RTN4RL1: variants seen among roughly 807,000 people sequenced by gnomAD.
The protein encoded by RTN4RL1 is reticulon-4 receptor-like 1.
RTN4RL1 carries 7 observed loss-of-function variants against 25.6 expected under a neutral mutation model. That is an observed-to-expected ratio of 0.27 (90% confidence interval 0.16 to 0.51). The LOEUF (loss-of-function observed/expected upper bound fraction) is 0.51. Ranked by LOEUF, RTN4RL1 falls within the 20% of genes least tolerant of loss-of-function variation. The probability of loss-of-function intolerance (pLI) is 0.97; values close to 1 mark genes in which losing one functional copy is unlikely to be tolerated. For synonymous variants in RTN4RL1, 297 were observed against 288.2 expected (o/e 1.03, Z -0.31); for missense variants, 500 against 615.6 (o/e 0.81, Z 1.99).
chr17:2,017,207 G>A (rs2067135677), intron 1 of RTN4RL1, among the ~76,000 whole-genome samples: 1 of 152,226 alleles, frequency 6.6e-6, no homozygotes, highest in Admixed American at 6.5e-5. Context: ...TGATTTTGGA[G>A]GCAGAAGCAA....
At chr17:1,976,809 G>A (rs963873017) in intron 1 of RTN4RL1, among the ~76,000 whole-genome samples, 9 of 152,186 alleles carry the variant, frequency 5.9e-5, no homozygotes, top group African/African-American at 1.9e-4. Context: ...TCTTTGGGTG[G>A]AACTCGGCTG....
Position 2,024,848 on chromosome 17 carries a change from C to T in RTN4RL1, c.13+5G>A. On this transcript the variant is annotated splice_donor_5th_base_variant and intron_variant, in intron 1 of 1. Coordinates refer to ENST00000331238, the MANE Select transcript of RTN4RL1 (RefSeq NM_178568.4). Reference sequence around the variant, plus strand: ...CTTCAACTTGCCCCTGCGGCTCCAACTCACCTTTGCGAAGCATGTTGGCCA... The same window carrying T: ...CTTCAACTTGCCCCTGCGGCTCCAATTCACCTTTGCGAAGCATGTTGGCCA... 6.3e-7 allele frequency: 1 copy of T among 1,581,862 alleles called. No individual in the cohort carries two copies. The highest frequency in any genetic ancestry group is 8.6e-7 in the Non-Finnish European group (1 of 1,165,046).
chr17:1,997,380 G>A (rs566874998), intron 1 of RTN4RL1, among the ~76,000 whole-genome samples: 2 of 152,110 alleles, frequency 1.3e-5, no homozygotes, highest in African/African-American at 2.4e-5. Flanking sequence ...CTCCTCTCCC[G>A]GCCAAGTACA....
chr17:2,001,353 C>T (rs1413657731), intron 1 of RTN4RL1: 1 of 152,290 alleles, frequency 6.6e-6, no homozygotes, highest in East Asian at 1.9e-4. Context: ...ACACCATTCT[C>T]CTGCCTCAGC....
At chr17:1,979,885 C>A (rs569403671) in intron 1 of RTN4RL1, among the ~76,000 whole-genome samples, 82 of 152,224 alleles carry the variant, frequency 5.4e-4, no homozygotes, top group African/African-American at 1.9e-3. Flanking sequence ...CCCGGAATTG[C>A]GTGGAGAAGG....
Position 2,024,961 on chromosome 17 carries a change from G to T in RTN4RL1, c.-96C>A. ...TGGGCGCCAGCTGCAGCTAATCCGA[G>T]CGCGTCGAGGCGGGGGCAAGCCGGG... On this transcript the variant is annotated 5_prime_UTR_variant, in exon 1 of 2. Coordinates refer to ENST00000331238, the MANE Select transcript of RTN4RL1 (RefSeq NM_178568.4). 1.5e-6 allele frequency: 2 copies of T among 1,337,328 alleles called. No homozygotes were observed. The highest frequency in any genetic ancestry group is 1.0e-6 in the Non-Finnish European group (1 of 973,424). 82.8% of individuals were successfully genotyped at this position (1,337,328 alleles called of 1,614,324 possible). A position where few individuals can be genotyped will look rare whatever the true frequency, so the allele number is the denominator to read the frequency against.
At chr17:2,006,382 G>A (rs772376347) in intron 1 of RTN4RL1, among the ~76,000 whole-genome samples, 38 of 151,622 alleles carry the variant, frequency 2.5e-4, no homozygotes, top group Non-Finnish European at 5.0e-4. Flanking sequence ...GCTGGTCTCC[G>A]ACTCCTGACC....
chr17:2,007,965 AAAC>A (rs2067012306), intron 1 of RTN4RL1, among the ~76,000 whole-genome samples: 1 of 147,252 alleles, frequency 6.8e-6, no homozygotes, highest in Non-Finnish European at 1.5e-5. Context: ...CCAAAAAAAT[AAAC>A]AACAACAAAA....
At chr17:2,021,353 C>G (rs550312479) in intron 1 of RTN4RL1, among the ~76,000 whole-genome samples, 5 of 152,124 alleles carry the variant, frequency 3.3e-5, no homozygotes, top group Admixed American at 6.6e-5. Flanking sequence ...ATGAGCCCTG[C>G]CCTTTGCAGA....
intron 1 of RTN4RL1, among the ~76,000 whole-genome samples, chr17:2,015,351 G>A (rs919158681): frequency 6.6e-6 from 1 of 152,332 alleles, no homozygotes; most frequent in East Asian, 1.9e-4. Flanking sequence ...GGGCACTGGG[G>A]GTCGGTGGGC....
At chr17:1,982,258 G>GCCA (rs1555519448) in intron 1 of RTN4RL1, among the ~76,000 whole-genome samples, 1 of 151,982 alleles carries the variant, frequency 6.6e-6, no homozygotes, top group African/African-American at 2.4e-5. Flanking sequence ...CTGAGATCAC[G>GCCA]CCACTCCACT....
At chr17:1,942,716 G>A (rs1915464611) in intron 1 of RTN4RL1, among the ~76,000 whole-genome samples, 1 of 152,108 alleles carries the variant, frequency 6.6e-6, no homozygotes, top group South Asian at 2.1e-4. Flanking sequence ...CAGGGAGCAT[G>A]GGGGCAGCTC....
In RTN4RL1 at chr17:1,937,428, G is replaced by A; in HGVS notation, c.394C>T (p.Leu132Phe). ...QGLVKLHALY[L>F]YKCGLSALPA... ...AAGGCGCTGAGCCCACACTTGTAGA[G>A]GTAGAGGGCGTGAAGCTTCACCAGG... is the stretch of plus-strand genomic sequence containing the variant. The change falls in exon 2 of 2, where the codon CTC (leucine) becomes TTC (phenylalanine). Residue 132 changes from leucine (L) to phenylalanine (F), a missense_variant. Physicochemically the swap from Leu to Phe is conservative, Grantham distance 22 (BLOSUM62 0). This residue lies in a region of RTN4RL1 where 232 missense variants were observed against 341.1 expected (regional missense o/e 0.68). Transcript: ENST00000331238. The A allele has an allele frequency of 6.2e-7, 1 of 1,613,928 alleles. No homozygotes were observed. Among genetic ancestry groups the A allele is most frequent in the Middle Eastern group, 1.6e-4 (1 of 6,062 alleles).
At chr17:1,996,844 C>T (rs2151320786) in intron 1 of RTN4RL1, among the ~76,000 whole-genome samples, 1 of 152,322 alleles carries the variant, frequency 6.6e-6, no homozygotes, top group South Asian at 2.1e-4. Context: ...GGACGGGGGC[C>T]ACCCCAGCCT....
chr17:1,960,687 C>T (rs1915878147), intron 1 of RTN4RL1, among the ~76,000 whole-genome samples: 1 of 152,138 alleles, frequency 6.6e-6, no homozygotes, highest in Non-Finnish European at 1.5e-5. Context: ...GAAACTCCAT[C>T]CCCCTTAGCA....
chr17:2,001,346 C>A (rs2066956466), intron 1 of RTN4RL1: 1 of 152,082 alleles, frequency 6.6e-6, no homozygotes, highest in African/African-American at 2.4e-5. Context: ...CGGGTTCACA[C>A]CATTCTCCTG....
At chr17:1,962,507 C>T (rs979146222) in intron 1 of RTN4RL1, among the ~76,000 whole-genome samples, 4 of 151,734 alleles carry the variant, frequency 2.6e-5, no homozygotes, top group Admixed American at 2.0e-4. Context: ...TACAGGTGCT[C>T]GCCATCACGC....
chr17:2,013,801 C>T (rs1597249495), intron 1 of RTN4RL1, among the ~76,000 whole-genome samples: 1 of 146,726 alleles, frequency 6.8e-6, no homozygotes, highest in Non-Finnish European at 1.5e-5. Context: ...AATACCCCAG[C>T]TCCCTCACCC....
At chr17:1,950,754 G>A (rs1446760662) in intron 1 of RTN4RL1, among the ~76,000 whole-genome samples, 1 of 144,606 alleles carries the variant, frequency 6.9e-6, no homozygotes, top group East Asian at 2.1e-4. Flanking sequence ...GGCTGAGGCT[G>A]AGAATCGCTT....
Sources: gnomAD v4.1 joint callset for allele counts (sites outside exome capture counted in the v4.1 genomes callset) on GRCh38, gnomAD v4.1.1 for gene constraint, gnomAD v4.1.1 regional missense constraint, MANE v1.5 for transcripts, NCBI Gene and HGNC (gene_info 2026-07-23, HGNC 2026-07-21) for gene names.